The following DYNC1I1 variants were observed in gnomAD, a reference collection of about 807,000 sequenced individuals.
DYNC1I1 encodes the protein cytoplasmic dynein 1 intermediate chain 1.
Under a neutral mutation model 86.6 loss-of-function variants are expected in DYNC1I1, and 43 were observed. That is an observed-to-expected ratio of 0.50 (90% CI 0.39 to 0.64). The LOEUF is 0.64. DYNC1I1 is among the 30% of genes least tolerant of loss of function. The probability of loss-of-function intolerance (pLI) is 0.00; values close to 1 mark genes in which losing one functional copy is unlikely to be tolerated. For synonymous variants in DYNC1I1, 262 were observed against 283.7 expected (o/e 0.92, Z 0.77); for missense variants, 604 against 788.8 (o/e 0.77, Z 2.81).
intron 6 of DYNC1I1, among the ~76,000 whole-genome samples, chr7:95,947,421 C>A (rs1792432581): frequency 6.6e-6 from 1 of 152,184 alleles, no homozygotes; most frequent in African/African-American, 2.4e-5. Flanking sequence ...CTGTGTTAAA[C>A]ATTTCATGAA....
chr7:95,804,040 G>A (rs992800885), intron 1 of DYNC1I1, among the ~76,000 whole-genome samples: 1 of 152,148 alleles, frequency 6.6e-6, no homozygotes, highest in African/African-American at 2.4e-5. Context: ...GCTTTGGAAA[G>A]TGAAGGTGCC....
At chr7:95,892,271 G>A (rs1043605527) in intron 6 of DYNC1I1, among the ~76,000 whole-genome samples, 3 of 151,598 alleles carry the variant, frequency 2.0e-5, no homozygotes, top group African/African-American at 4.9e-5. Flanking sequence ...TGAGTAGCTG[G>A]GATTAAAAGC....
At chr7:95,779,951 A>C (rs1793943851) in intron 1 of DYNC1I1, among the ~76,000 whole-genome samples, 1 of 152,108 alleles carries the variant, frequency 6.6e-6, no homozygotes, top group Non-Finnish European at 1.5e-5. Flanking sequence ...GGGAGTCTTG[A>C]GGAGGACAAT....
chr7:95,844,543 C>T (rs1028436286), intron 5 of DYNC1I1, among the ~76,000 whole-genome samples: 1 of 152,086 alleles, frequency 6.6e-6, no homozygotes, highest in Non-Finnish European at 1.5e-5. Context: ...CACATAGTCC[C>T]CTGCAAAATT....
chr7:95,831,443 G>A (rs1246556406), intron 5 of DYNC1I1, among the ~76,000 whole-genome samples: 2 of 152,204 alleles, frequency 1.3e-5, no homozygotes, highest in East Asian at 1.9e-4. Flanking sequence ...TGTGATCTTG[G>A]CTCACTGCAA....
chr7:96,022,834 C>T (rs935664815), intron 10 of DYNC1I1, among the ~76,000 whole-genome samples: 6 of 151,872 alleles, frequency 4.0e-5, no homozygotes, highest in Non-Finnish European at 7.4e-5. Flanking sequence ...TGTGCCATTG[C>T]ATTCCAGCCT....
At chr7:95,993,092 T>G (rs1381531900) in intron 9 of DYNC1I1, among the ~76,000 whole-genome samples, 1 of 152,120 alleles carries the variant, frequency 6.6e-6, no homozygotes, top group African/African-American at 2.4e-5. Context: ...CGAACAACAC[T>G]TAAGATTAAA....
chr7:95,974,234 T>C (rs1793246441), intron 6 of DYNC1I1, among the ~76,000 whole-genome samples: 3 of 152,172 alleles, frequency 2.0e-5, no homozygotes, highest in African/African-American at 7.2e-5. Flanking sequence ...TTGTTTTTGG[T>C]TTCTCTCCAC....
At chr7:96,092,202 C>A (rs572844852) in intron 16 of DYNC1I1, among the ~76,000 whole-genome samples, 1 of 150,696 alleles carries the variant, frequency 6.6e-6, no homozygotes, top group Non-Finnish European at 1.5e-5. Context: ...AAAAGTACAG[C>A]TCTAAATAGG....
chr7:96,047,299 C>T (rs1188529628), intron 14 of DYNC1I1, among the ~76,000 whole-genome samples: 2 of 152,026 alleles, frequency 1.3e-5, no homozygotes, highest in South Asian at 2.1e-4. Flanking sequence ...CAATTGACAG[C>T]GTAATACTGA....
At chr7:95,931,400 C>T (rs1336282552) in intron 6 of DYNC1I1, among the ~76,000 whole-genome samples, 3 of 152,252 alleles carry the variant, frequency 2.0e-5, no homozygotes, top group Admixed American at 6.5e-5. Flanking sequence ...TCCACCCACT[C>T]GGCCTCTCAA....
intron 1 of DYNC1I1, among the ~76,000 whole-genome samples, chr7:95,799,508 G>A (rs890319407): frequency 7.9e-5 from 12 of 152,192 alleles, no homozygotes; most frequent in Non-Finnish European, 1.6e-4. Context: ...TCCTCTGGGG[G>A]AAGTGGGTAA....
intron 6 of DYNC1I1, among the ~76,000 whole-genome samples, chr7:95,942,436 C>G (rs1032705174): frequency 6.6e-6 from 1 of 152,166 alleles, no homozygotes; most frequent in Non-Finnish European, 1.5e-5. Flanking sequence ...CGAATTCTAC[C>G]AGAGGTACAA....
intron 4 of DYNC1I1, chr7:95,818,349 G>C (rs1324184743): frequency 4.8e-6 from 2 of 418,720 alleles, no homozygotes; most frequent in Non-Finnish European, 8.4e-6. Context: ...TGTCACCCAG[G>C]CAGCAGTGGT....
At chr7:95,868,176 G>A (rs1790064722) in intron 5 of DYNC1I1, among the ~76,000 whole-genome samples, 2 of 152,190 alleles carry the variant, frequency 1.3e-5, no homozygotes, top group Admixed American at 1.3e-4. Context: ...TGTGGTTCAG[G>A]CCTGCGTGGA....
At chr7:95,944,071 A>G (rs1456902103) in intron 6 of DYNC1I1, among the ~76,000 whole-genome samples, 2 of 152,236 alleles carry the variant, frequency 1.3e-5, no homozygotes, top group African/African-American at 2.4e-5. Flanking sequence ...AGAAAGTACC[A>G]TCAGAGTGAA....
chr7:95,848,167 A>G lies in DYNC1I1; in HGVS notation c.374+20051A>G, dbSNP rs141947808. Among the ~76,000 whole-genome samples the G allele has an allele frequency of 2.8e-4, 43 of 151,456 alleles. 1 individual carries two copies. The highest frequency in any genetic ancestry group is 7.3e-4 in the African/African-American group (30 of 41,266). On this transcript the variant is annotated intron_variant, in intron 5 of 16. Coordinates refer to ENST00000447467, the MANE Select transcript of DYNC1I1 (RefSeq NM_001135556.2). The stretch of plus-strand genomic sequence containing the variant: ...TCTTACCATTTTTCAGTAACACAAT[A>G]CAAATGGTCCCTGATTTACACTGGT...
At chr7:95,856,277 C>T (rs573091158) in intron 5 of DYNC1I1, among the ~76,000 whole-genome samples, 3 of 152,262 alleles carry the variant, frequency 2.0e-5, no homozygotes, top group Admixed American at 6.5e-5. Context: ...TCCCCCTGGA[C>T]GGTCTTCAGG....
At chr7:95,978,388 G>T (rs1793363449) in intron 7 of DYNC1I1, among the ~76,000 whole-genome samples, 1 of 152,044 alleles carries the variant, frequency 6.6e-6, no homozygotes, top group Non-Finnish European at 1.5e-5. Flanking sequence ...AGAAAAGGAG[G>T]GACATGAAAT....
Sources: allele counts gnomAD v4.1 joint callset (sites outside exome capture counted in the v4.1 genomes callset), GRCh38; gene constraint gnomAD v4.1.1; transcripts MANE v1.5; gene names NCBI Gene and HGNC (gene_info 2026-07-23, HGNC 2026-07-21).